SUGCT: variants seen among roughly 807,000 people sequenced by gnomAD.
SUGCT encodes the protein succinyl-CoA:glutarate CoA-transferase.
Under a neutral mutation model 55.0 loss-of-function variants are expected in SUGCT, and 41 were observed. The observed-to-expected ratio is 0.74, with a 90% CI of 0.58 to 0.97. The LOEUF is 0.97. Ranked by LOEUF, SUGCT falls within the 50% of genes least tolerant of loss-of-function variation. The pLI is 0.00. For missense variants in SUGCT, 568 were observed against 547.8 expected, an observed-to-expected ratio of 1.04 and a Z score of -0.37; for synonymous variants, 187 against 200.4, an observed-to-expected ratio of 0.93 and a Z score of 0.56.
chr7:40,891,241 T>TA, the SUGCT span, among the ~76,000 whole-genome samples: 1 of 152,166 alleles, frequency 6.6e-6, no homozygotes, highest in African/African-American at 2.4e-5. Context: ...AAGCATATTT[T>TA]AAAAATTAAT....
At chr7:40,316,448 G>A (rs566519840) in intron 8 of SUGCT, among the ~76,000 whole-genome samples, 1 of 152,262 alleles carries the variant, frequency 6.6e-6, no homozygotes, top group South Asian at 2.1e-4. Flanking sequence ...ATTGCCATGG[G>A]TTTGAGGATA....
At chr7:40,645,776 G>A (rs1463531787) in intron 12 of SUGCT, among the ~76,000 whole-genome samples, 1 of 151,646 alleles carries the variant, frequency 6.6e-6, no homozygotes, top group Admixed American at 6.6e-5. Flanking sequence ...GCACAGTGAA[G>A]AGGAACAGGT....
chr7:40,531,530 C>T (rs1435980557), intron 12 of SUGCT, among the ~76,000 whole-genome samples: 1 of 151,820 alleles, frequency 6.6e-6, no homozygotes, highest in African/African-American at 2.4e-5. Context: ...AATGCTACTC[C>T]AAAATTTATT....
intron 13 of SUGCT, among the ~76,000 whole-genome samples, chr7:40,797,549 T>C (rs1016408129): frequency 6.6e-6 from 1 of 152,186 alleles, no homozygotes; most frequent in Non-Finnish European, 1.5e-5. Flanking sequence ...CTCAGTTCCA[T>C]GTCATATATC....
At chr7:40,619,690 G>T (rs767763140) in intron 12 of SUGCT, among the ~76,000 whole-genome samples, 2 of 152,132 alleles carry the variant, frequency 1.3e-5, no homozygotes, top group Non-Finnish European at 2.9e-5. Flanking sequence ...TACACATGAA[G>T]TAATTCCTAT....
chr7:40,539,194 G>C (rs1442211796), intron 12 of SUGCT: 2 of 152,102 alleles, frequency 1.3e-5, no homozygotes, highest in African/African-American at 4.8e-5. Context: ...AGGATGCCTT[G>C]GTTGTTCAGG....
At chr7:40,249,344 T>TATATATATATAA (rs1172651937) in intron 7 of SUGCT, among the ~76,000 whole-genome samples, 14 of 128,132 alleles carry the variant, frequency 1.1e-4, no homozygotes, top group African/African-American at 4.6e-4. Context: ...TATATATATA[T>TATATATATATAA]ATAATTATAT....
At chr7:40,931,758 C>A in the SUGCT span, among the ~76,000 whole-genome samples, 1 of 152,138 alleles carries the variant, frequency 6.6e-6, no homozygotes, top group Non-Finnish European at 1.5e-5. Flanking sequence ...TCTGTGGGAT[C>A]AGTGGTGATA....
chr7:40,860,288 G>T (rs756044280), intron 13 of SUGCT, 28 bp from the exon 14 acceptor site: 1 of 1,613,750 alleles, frequency 6.2e-7, no homozygotes, highest in Non-Finnish European at 8.5e-7. Context: ...TCATTAACAG[G>T]CTTCCTGCTT....
At chr7:40,161,395 T>C (rs893380291) in intron 1 of SUGCT, among the ~76,000 whole-genome samples, 10 of 152,190 alleles carry the variant, frequency 6.6e-5, no homozygotes, top group African/African-American at 2.4e-4. Context: ...AAGAGGCTCT[T>C]TGTATTCACA....
the SUGCT span, among the ~76,000 whole-genome samples, chr7:40,915,223 G>C: frequency 1.3e-5 from 2 of 152,110 alleles, no homozygotes; most frequent in Non-Finnish European, 2.9e-5. Flanking sequence ...GCTCTGGGCA[G>C]TACAAAGTCG....
intron 12 of SUGCT, among the ~76,000 whole-genome samples, chr7:40,542,973 A>G (rs1794780909): frequency 6.6e-6 from 1 of 152,236 alleles, no homozygotes; most frequent in Non-Finnish European, 1.5e-5. Context: ...TTCATCGGCT[A>G]GGTGAACATT....
intron 6 of SUGCT, among the ~76,000 whole-genome samples, chr7:40,202,010 G>A (rs576653802): frequency 3.3e-5 from 5 of 152,088 alleles, no homozygotes; most frequent in Admixed American, 2.0e-4. Context: ...GTCTGGCTCT[G>A]TTGCCCAGTC....
chr7:40,175,531 T>C (rs1784885016), intron 1 of SUGCT, among the ~76,000 whole-genome samples: 1 of 152,172 alleles, frequency 6.6e-6, no homozygotes, highest in Non-Finnish European at 1.5e-5. Context: ...GTGTTTCTTT[T>C]TAAAGACAAC....
At chr7:40,141,909 T>C in intron 1 of SUGCT, 1 of 333,280 alleles carries the variant, frequency 3.0e-6, no homozygotes. Context: ...GGGAAGGGGT[T>C]CTTATCCCTG....
chr7:40,684,806 G>A (rs1362313295), intron 12 of SUGCT, among the ~76,000 whole-genome samples: 3 of 152,052 alleles, frequency 2.0e-5, no homozygotes, highest in Non-Finnish European at 4.4e-5. Flanking sequence ...TCATGGTTGA[G>A]ACACATAGTG....
At chr7:40,902,199 GA>G in the SUGCT span, among the ~76,000 whole-genome samples, 1 of 152,116 alleles carries the variant, frequency 6.6e-6, no homozygotes, top group Non-Finnish European at 1.5e-5. Context: ...AGGCATCACA[GA>G]AAAACTTGTG....
chr7:40,703,575 C>A (rs1785264877), intron 12 of SUGCT, among the ~76,000 whole-genome samples: 2 of 152,098 alleles, frequency 1.3e-5, no homozygotes, highest in South Asian at 4.1e-4. Context: ...GAAAAGAGAT[C>A]CAGTAAAGCT....
At chr7:40,704,918 G>A (rs1288128326) in intron 12 of SUGCT, among the ~76,000 whole-genome samples, 2 of 152,116 alleles carry the variant, frequency 1.3e-5, no homozygotes, top group Admixed American at 1.3e-4. Context: ...ATGGTTTTTG[G>A]CCAAGCTGTC....
Sources: gnomAD v4.1 joint callset for allele counts (sites outside exome capture counted in the v4.1 genomes callset) on GRCh38, gnomAD v4.1.1 for gene constraint, MANE v1.5 for transcripts, NCBI Gene and HGNC (gene_info 2026-07-23, HGNC 2026-07-21) for gene names.